LAMC1: variants seen among roughly 807,000 people sequenced by gnomAD.
LAMC1 encodes the protein laminin subunit gamma-1.
Under a neutral mutation model 173.6 loss-of-function variants are expected in LAMC1, and 38 were observed. That is an observed-to-expected ratio of 0.22 (90% CI 0.17 to 0.29). The LOEUF (loss-of-function observed/expected upper bound fraction) is 0.29, where lower values mean the gene tolerates loss of function less well. Among genes scored for constraint, LAMC1 ranks in the 10% least tolerant of loss-of-function variants. The pLI is 1.00. For missense variants in LAMC1, 1,824 were observed against 2,051.8 expected, an observed-to-expected ratio of 0.89 and a Z score of 2.14; for synonymous variants, 746 against 749.1, an observed-to-expected ratio of 1.00 and a Z score of 0.07.
At chr1:183,070,004 C>T (rs1654973954) in intron 1 of LAMC1, among the ~76,000 whole-genome samples, 1 of 152,094 alleles carries the variant, frequency 6.6e-6, no homozygotes, top group African/African-American at 2.4e-5. Context: ...TGGCACAGTG[C>T]CCGGCACACA....
chr1:183,123,417 T>A (rs1656535689), intron 13 of LAMC1, among the ~76,000 whole-genome samples: 1 of 152,204 alleles, frequency 6.6e-6, no homozygotes, highest in African/African-American at 2.4e-5. Flanking sequence ...TTACACCACT[T>A]TTAAACCCTC....
At chr1:183,058,602 C>G (rs1243456164) in intron 1 of LAMC1, among the ~76,000 whole-genome samples, 1 of 152,150 alleles carries the variant, frequency 6.6e-6, no homozygotes, top group Non-Finnish European at 1.5e-5. Context: ...TCCCATTTTT[C>G]TGTAATGTCT....
At chr1:183,034,327 G>C (rs548561731) in intron 1 of LAMC1, among the ~76,000 whole-genome samples, 11 of 152,276 alleles carry the variant, frequency 7.2e-5, no homozygotes, top group African/African-American at 2.2e-4. Flanking sequence ...CTGGAGTGCA[G>C]TGGCATGATC....
At chr1:183,123,164 G>A (rs1002681036) in intron 13 of LAMC1, among the ~76,000 whole-genome samples, 1 of 152,140 alleles carries the variant, frequency 6.6e-6, no homozygotes, top group South Asian at 2.1e-4. Context: ...TGCTCAAGCT[G>A]AAACCTTAGG....
At chr1:183,125,990 C>T (rs1303827439) in intron 15 of LAMC1, 130 bp from the exon 16 acceptor site, 1 of 864,724 alleles carries the variant, frequency 1.2e-6, no homozygotes, top group East Asian at 2.7e-5. Context: ...AACATTCCAT[C>T]TTAGTAACCC....
chr1:183,024,031 C>T lies in LAMC1; in HGVS notation c.315C>T (p.Phe105=), dbSNP rs1653612239. ...GQPHLQHGAA[F]LTDYNNQADT... ...CCCACCTGCAGCACGGGGCAGCCTT[C>T]CTGACCGACTACAACAACCAGGCCG... The change falls in exon 1 of 28, where the codon TTC becomes TTT. Residue 105 remains phenylalanine, a synonymous_variant. Transcript: ENST00000258341. 4 of 1,613,036 alleles carry T rather than the reference C, an allele frequency of 2.5e-6. No individual in the cohort carries two copies. Among genetic ancestry groups the T allele is most frequent in the East Asian group, 4.5e-5 (2 of 44,836 alleles).
chr1:183,111,337 T>C (rs1277052508), intron 4 of LAMC1, among the ~76,000 whole-genome samples: 1 of 152,188 alleles, frequency 6.6e-6, no homozygotes, highest in Non-Finnish European at 1.5e-5. Context: ...TCCACCTGCC[T>C]TGGCCTCCTA....
At position 183,133,488 on chromosome 1, in the gene LAMC1, A is replaced by G. The variant is rs1656855634; in HGVS notation, c.3787A>G (p.Lys1263Glu). ...VHEEAKRAGD[K>E]AVEIYASVAQ... is the part of the protein sequence containing the mutation. ...TGAGGAGGCCAAAAGGGCCGGTGAC[A>G]AAGCTGTGGAGATCTATGCCAGCGT... Residue 1263 changes from lysine to glutamate, a missense_variant, in exon 22 of 28, where the codon AAA becomes GAA. Physicochemically the swap from Lys to Glu is moderately conservative, Grantham distance 56 (BLOSUM62 1). Coordinates refer to ENST00000258341, the MANE Select transcript of LAMC1 (RefSeq NM_002293.4). The G allele has an allele frequency of 6.2e-7, 1 of 1,614,022 alleles. No homozygotes were observed. The highest frequency in any genetic ancestry group is 1.3e-5 in the African/African-American group (1 of 74,946).
In LAMC1 at chr1:183,115,612, C is replaced by T. The variant is rs1358139073; in HGVS notation, c.1303C>T (p.His435Tyr). Residue 435 changes from histidine (H) to tyrosine (Y), a missense_variant, in exon 6 of 28, where the codon CAT becomes TAT. Transcript: ENST00000258341. ...ATGTGACCGTTGCCAGCCTGGATTC[C>T]ATTCTCTCACTGAAGCAGGATGCAG... ...DKCDRCQPGFHSLTEAGCRPC... is the reference protein window; with the variant it reads ...DKCDRCQPGFYSLTEAGCRPC... 3 of 1,613,132 alleles carry T rather than the reference C, an allele frequency of 1.9e-6. No individual in the cohort carries two copies. Among genetic ancestry groups the T allele is most frequent in the African/African-American group, 2.7e-5 (2 of 74,896 alleles).
At chr1:183,042,192 T>C (rs764064991) in intron 1 of LAMC1, among the ~76,000 whole-genome samples, 1 of 152,210 alleles carries the variant, frequency 6.6e-6, no homozygotes, top group Non-Finnish European at 1.5e-5. Flanking sequence ...ATTCAGGGAC[T>C]CATGAGTGTT....
chr1:183,062,616 G>T (rs1317825377), intron 1 of LAMC1, among the ~76,000 whole-genome samples: 1 of 152,100 alleles, frequency 6.6e-6, no homozygotes, highest in East Asian at 1.9e-4. Context: ...CTACGCTCCA[G>T]CCTGGGTGAC....
intron 1 of LAMC1, among the ~76,000 whole-genome samples, chr1:183,025,876 C>G (rs1373322753): frequency 6.6e-6 from 1 of 152,144 alleles, no homozygotes; most frequent in Admixed American, 6.5e-5. Flanking sequence ...AGAATTTTCT[C>G]TTGTAGGCAC....
At position 183,103,599 on chromosome 1, in the gene LAMC1, C is replaced by T. The variant is rs115864963; in HGVS notation, c.690C>T (p.Ser230=). The T allele has an allele frequency of 1.7e-4, 271 of 1,583,786 alleles. 2 individuals are homozygous for T. The highest frequency in any genetic ancestry group is 6.8e-4 in the Middle Eastern group (4 of 5,876). Reference sequence around the variant, plus strand: ...TTTCTACCCTGGAAGGAAGGCCCAGCGCCTATAACTTTGACAATAGCCCTG... The same window carrying T: ...TTTCTACCCTGGAAGGAAGGCCCAGTGCCTATAACTTTGACAATAGCCCTG... ...VAFSTLEGRP[S]AYNFDNSPVL... Residue 230 remains serine (S), a synonymous_variant, in exon 2 of 28, where the codon AGC becomes AGT. Coordinates refer to ENST00000258341, the MANE Select transcript of LAMC1 (RefSeq NM_002293.4).
chr1:183,131,437 G>GTGTGTGTGTGTA, intron 20 of LAMC1, 59 bp downstream of exon 20: 1 of 989,422 alleles, frequency 1.0e-6, no homozygotes, highest in Non-Finnish European at 1.6e-6. Flanking sequence ...GGGTGTGTGT[G>GTGTGTGTGTGTA]TGTGTGTGTG....
rs185155117 is a variant in LAMC1, at chr1:183,117,901, C to T, written c.1878-133C>T. 20 of 743,294 alleles carry T rather than the reference C, an allele frequency of 2.7e-5. No individual in the cohort carries two copies. In the East Asian group the frequency reaches 5.2e-4, roughly 19 times the overall value. The allele number at this position is 743,294 out of a possible 1,614,324, so 46.0% of individuals were successfully genotyped here. ...TATCTTTTCCAATTGTACTACCAAACCAATAGTCTTATTTTTTATTTGATT... is the reference window on the plus strand; with the variant it reads ...TATCTTTTCCAATTGTACTACCAAATCAATAGTCTTATTTTTTATTTGATT... On this transcript the variant is annotated intron_variant, in intron 10 of 27. Coordinates refer to ENST00000258341, the MANE Select transcript of LAMC1 (RefSeq NM_002293.4).
chr1:183,117,414 C>T lies in LAMC1; in HGVS notation c.1659C>T (p.Ser553=). Residue 553 remains serine, a synonymous_variant, in exon 9 of 28, where the codon AGC becomes AGT. Transcript: ENST00000258341. Reference sequence around the variant, plus strand: ...AAGATATCGCCGTGATCTCAGACAGCTACTTTCCTCGGTACTTCATTGCTC... The same window carrying T: ...AAGATATCGCCGTGATCTCAGACAGTTACTTTCCTCGGTACTTCATTGCTC... ...ERQDIAVISD[S]YFPRYFIAPA... 3 of 1,613,884 alleles carry T rather than the reference C, an allele frequency of 1.9e-6. No individual in the cohort carries two copies. Among genetic ancestry groups the T allele is most frequent in the East Asian group, 2.2e-5 (1 of 44,874 alleles).
At chr1:183,029,236 A>G (rs1653781758) in intron 1 of LAMC1, among the ~76,000 whole-genome samples, 1 of 152,104 alleles carries the variant, frequency 6.6e-6, no homozygotes, top group East Asian at 1.9e-4. Context: ...CTATATCCAG[A>G]CACTATGTGT....
chr1:183,127,077 C>G, intron 16 of LAMC1, 149 bp from the exon 17 acceptor site: 1 of 636,048 alleles, frequency 1.6e-6, no homozygotes, highest in Non-Finnish European at 2.6e-6. Flanking sequence ...ACAGACTTAG[C>G]CATTTAAGAT....
In LAMC1 at chr1:183,043,716, A is replaced by G. The variant is rs191798087; in HGVS notation, c.418+19582A>G. On this transcript the variant is annotated intron_variant, in intron 1 of 27. Coordinates refer to ENST00000258341, the MANE Select transcript of LAMC1 (RefSeq NM_002293.4). ...AGTGACCTATTAGAAAAGTATTTCT[A>G]TTCCTCTAGGGACATCCGTTCAATT... 6.0e-3 allele frequency among the ~76,000 whole-genome samples: 921 copies of G among 152,306 alleles called. 4 individuals are homozygous for G. The highest frequency in any genetic ancestry group is 8.5e-3 in the Non-Finnish European group (579 of 68,000).
Sources: allele counts gnomAD v4.1 joint callset (sites outside exome capture counted in the v4.1 genomes callset), GRCh38; gene constraint gnomAD v4.1.1; transcripts MANE v1.5; gene names NCBI Gene and HGNC (gene_info 2026-07-23, HGNC 2026-07-21).